CLSTN2: variants seen among roughly 807,000 people sequenced by gnomAD.
CLSTN2 encodes the protein calsyntenin 2, also known as calsyntenin-2.
A neutral mutation model predicts 101.2 loss-of-function variants in CLSTN2; 48 were observed. That is an observed-to-expected ratio of 0.47 (90% CI 0.38 to 0.60). CLSTN2 has a LOEUF of 0.60. Ranked by LOEUF, CLSTN2 falls within the 20% of genes least tolerant of loss-of-function variation. The pLI is 0.00. For missense variants in CLSTN2, 1,160 were observed against 1,238.2 expected, an observed-to-expected ratio of 0.94 and a Z score of 0.95; for synonymous variants, 481 against 463.6, an observed-to-expected ratio of 1.04 and a Z score of -0.48.
intron 1 of CLSTN2, among the ~76,000 whole-genome samples, chr3:139,980,731 A>T (rs1399569508): frequency 1.3e-5 from 2 of 152,118 alleles, no homozygotes; most frequent in Admixed American, 1.3e-4. Flanking sequence ...GCCCCAGAAC[A>T]GTGCCACCAC....
chr3:140,240,174 C>CTCTATATATATA (rs1311225528), intron 2 of CLSTN2, among the ~76,000 whole-genome samples: 3 of 13,344 alleles, frequency 2.2e-4, no homozygotes, highest in African/African-American at 3.2e-4. Context: ...CTCTCTCTCT[C>CTCTATATATATA]TATATATATA....
intron 2 of CLSTN2, among the ~76,000 whole-genome samples, chr3:140,348,534 TA>T (rs1413530630): frequency 6.6e-6 from 1 of 152,190 alleles, no homozygotes; most frequent in African/African-American, 2.4e-5. Context: ...GGGTATCTGC[TA>T]TTAGTCACAT....
intron 1 of CLSTN2, among the ~76,000 whole-genome samples, chr3:139,998,336 C>T (rs1213317277): frequency 1.7e-3 from 113 of 66,782 alleles, no homozygotes; most frequent in Non-Finnish European, 2.4e-3. Context: ...CCCCACATGC[C>T]TTTTTTTTTT....
chr3:140,438,930 T>G (rs1177352656), intron 5 of CLSTN2, among the ~76,000 whole-genome samples: 1 of 152,166 alleles, frequency 6.6e-6, no homozygotes, highest in Non-Finnish European at 1.5e-5. Flanking sequence ...AGCCGAGCCT[T>G]GGGTGGGTCC....
At chr3:140,332,083 AG>A (rs2087388274) in intron 2 of CLSTN2, among the ~76,000 whole-genome samples, 1 of 152,204 alleles carries the variant, frequency 6.6e-6, no homozygotes, top group Non-Finnish European at 1.5e-5. Flanking sequence ...AGGGAAGCAC[AG>A]GGGCTCTGGG....
intron 8 of CLSTN2, among the ~76,000 whole-genome samples, chr3:140,484,414 A>C (rs947566670): frequency 1.4e-4 from 21 of 151,268 alleles, no homozygotes; most frequent in African/African-American, 5.1e-4. Flanking sequence ...CTTCATTTCA[A>C]CTTTGGTGAA....
intron 8 of CLSTN2, among the ~76,000 whole-genome samples, chr3:140,516,714 C>T (rs1934924845): frequency 6.6e-6 from 1 of 152,132 alleles, no homozygotes; most frequent in South Asian, 2.1e-4. Context: ...GAGAAATCTG[C>T]TGTTAATTTG....
At chr3:140,077,703 A>AT (rs1361283299) in intron 1 of CLSTN2, among the ~76,000 whole-genome samples, 2 of 151,534 alleles carry the variant, frequency 1.3e-5, no homozygotes, top group Non-Finnish European at 2.9e-5. Flanking sequence ...AAAAAAAAAA[A>AT]CCTCAAACCT....
rs1985405750 is a variant in CLSTN2 at position 140,568,742 on chromosome 3, G to T, written c.*2489G>T. The T allele has an allele frequency of 6.6e-6, 1 of 151,988 alleles. No individual in the cohort carries two copies. The highest frequency in any genetic ancestry group is 2.4e-5 in the African/African-American group (1 of 41,370). The allele number at this position is 151,988 out of a possible 1,614,324, so 9.4% of individuals were successfully genotyped here. A position where few individuals can be genotyped will look rare whatever the true frequency, so the allele number is the denominator to read the frequency against. Reference sequence around the variant, plus strand: ...TTGCTCAGTCTTTTCGATCTGGTTGGGTAGGGAAGGTGTTCCTCATGCTCT... The same window carrying T: ...TTGCTCAGTCTTTTCGATCTGGTTGTGTAGGGAAGGTGTTCCTCATGCTCT... On this transcript the variant is annotated 3_prime_UTR_variant, in exon 17 of 17. Transcript: ENST00000458420.
At chr3:140,098,615 G>A (rs1386262674) in intron 1 of CLSTN2, among the ~76,000 whole-genome samples, 1 of 152,130 alleles carries the variant, frequency 6.6e-6, no homozygotes, top group Non-Finnish European at 1.5e-5. Context: ...TTTTTGGCTG[G>A]AGATTTTATT....
chr3:140,269,618 G>A (rs533640614), intron 2 of CLSTN2, among the ~76,000 whole-genome samples: 6 of 152,198 alleles, frequency 3.9e-5, no homozygotes, highest in Non-Finnish European at 7.3e-5. Flanking sequence ...GGAAAGAAAA[G>A]CTTTCGATAT....
intron 2 of CLSTN2, among the ~76,000 whole-genome samples, chr3:140,395,520 G>T (rs2088171699): frequency 6.6e-6 from 1 of 152,078 alleles, no homozygotes; most frequent in Non-Finnish European, 1.5e-5. Flanking sequence ...AACTCAGCAG[G>T]GCCTGTCCGA....
In CLSTN2 at chr3:140,394,662, G is replaced by A. The variant is rs141204657; in HGVS notation, c.233-8967G>A. Reference sequence around the variant, plus strand: ...GTCCATCTGCCTCCTTCTCCTGTCTGTAAACACGGAGGTGGTTTCTGATTC... The same window carrying A: ...GTCCATCTGCCTCCTTCTCCTGTCTATAAACACGGAGGTGGTTTCTGATTC... On this transcript the variant is annotated intron_variant, in intron 2 of 16. Coordinates refer to ENST00000458420, the MANE Select transcript of CLSTN2 (RefSeq NM_022131.3). 4.6e-5 allele frequency among the ~76,000 whole-genome samples: 7 copies of A among 152,252 alleles called. No individual in the cohort carries two copies. The East Asian group carries it at 1.3e-3, about 29-fold the overall frequency.
At chr3:140,198,476 G>T (rs2010676880) in intron 2 of CLSTN2, among the ~76,000 whole-genome samples, 1 of 152,174 alleles carries the variant, frequency 6.6e-6, no homozygotes, top group African/African-American at 2.4e-5. Flanking sequence ...AGGGTCCTCT[G>T]CCAGGCTCAC....
intron 1 of CLSTN2, among the ~76,000 whole-genome samples, chr3:140,154,619 G>C (rs1026667563): frequency 6.7e-6 from 1 of 149,496 alleles, no homozygotes; most frequent in South Asian, 2.2e-4. Context: ...TAGCAGGAGA[G>C]AGAGAGAGGG....
chr3:140,441,419 G>T (rs1242795100), intron 5 of CLSTN2, among the ~76,000 whole-genome samples: 1 of 152,198 alleles, frequency 6.6e-6, no homozygotes, highest in African/African-American at 2.4e-5. Context: ...ACCACTCATT[G>T]TATGTCAGGC....
At position 140,240,305 on chromosome 3, in the gene CLSTN2, T is replaced by TACAC. The variant is rs1437222617; in HGVS notation, c.232+64244_232+64247dup. On this transcript the variant is annotated intron_variant, in intron 2 of 16. Coordinates refer to ENST00000458420, the MANE Select transcript of CLSTN2 (RefSeq NM_022131.3). ...ATACATATATACACATATATATATATACACACACACACACATACACATACA... is the reference window on the plus strand; with the variant it reads ...ATACATATATACACATATATATATATACACACACACACACACACATACACATACA... Among the ~76,000 whole-genome samples, 1,390 of 143,330 alleles carry TACAC rather than the reference T, an allele frequency of 9.7e-3. 32 individuals are homozygous for TACAC. Among genetic ancestry groups the TACAC allele is most frequent in the African/African-American group, 0.033 (1,297 of 38,862 alleles). The allele number at this position is 143,330 out of a possible 152,430, so 94.0% of individuals were successfully genotyped here.
intron 16 of CLSTN2, among the ~76,000 whole-genome samples, chr3:140,564,816 T>C (rs1249963792): frequency 6.6e-6 from 1 of 152,214 alleles, no homozygotes; most frequent in African/African-American, 2.4e-5. Flanking sequence ...TCTTTCCAGT[T>C]AGCCAACAGC....
intron 8 of CLSTN2, among the ~76,000 whole-genome samples, chr3:140,481,814 G>C (rs1353889704): frequency 6.6e-6 from 1 of 152,218 alleles, no homozygotes; most frequent in Non-Finnish European, 1.5e-5. Context: ...CTGAGACTTT[G>C]CTGAAGTTGC....
Sources: gnomAD v4.1 joint callset for allele counts (sites outside exome capture counted in the v4.1 genomes callset) on GRCh38, gnomAD v4.1.1 for gene constraint, MANE v1.5 for transcripts, NCBI Gene and HGNC (gene_info 2026-07-23, HGNC 2026-07-21) for gene names.